CPZ: variants seen among roughly 807,000 people sequenced by gnomAD.
CPZ encodes the protein carboxypeptidase Z.
A neutral mutation model predicts 61.8 loss-of-function variants in CPZ; 103 were observed. The ratio of observed to expected loss-of-function variants is 1.67; its 90% CI spans 1.42 to 1.96. CPZ has a LOEUF of 1.96. Ranked by LOEUF, CPZ falls within the 30% of genes most tolerant of loss-of-function variation. The probability of loss-of-function intolerance (pLI) is 0.00; values close to 1 mark genes in which losing one functional copy is unlikely to be tolerated. For synonymous variants in CPZ, 551 were observed against 373.7 expected (o/e 1.47, Z -5.47); for missense variants, 1,461 against 914.9 (o/e 1.60, Z -7.70).
At chr4:8,610,278 A>C (rs1281357802) in intron 7 of CPZ, among the ~76,000 whole-genome samples, 1 of 152,094 alleles carries the variant, frequency 6.6e-6, no homozygotes, top group Non-Finnish European at 1.5e-5. Context: ...AGCTCCTCTG[A>C]TGTCCTTGTC....
At chr4:8,603,934 T>C in intron 3 of CPZ, 42 bp from the exon 4 acceptor site, 1 of 1,572,716 alleles carries the variant, frequency 6.4e-7, no homozygotes, top group African/African-American at 1.3e-5. Flanking sequence ...GTAGGAAGCC[T>C]GGGGGCCTGA....
intron 9 of CPZ, among the ~76,000 whole-genome samples, chr4:8,617,231 G>C (rs1232201520): frequency 6.6e-6 from 1 of 152,252 alleles, no homozygotes. Flanking sequence ...CGGTCCTGCA[G>C]AAGCCAGAGC....
In CPZ at chr4:8,615,807, A is replaced by C. The variant is rs139155085; in HGVS notation, c.1503+1309A>C. Reference sequence around the variant, plus strand: ...CCCCCTCCTTTCTAGAAAAATCAGGAACCTTCCTCCAAGTAAGAATCGAGC... The same window carrying C: ...CCCCCTCCTTTCTAGAAAAATCAGGCACCTTCCTCCAAGTAAGAATCGAGC... On this transcript the variant is annotated intron_variant, in intron 9 of 10. Transcript: ENST00000360986. 2.2e-3 allele frequency among the ~76,000 whole-genome samples: 334 copies of C among 152,278 alleles called. 4 individuals are homozygous for C. The highest frequency in any genetic ancestry group is 7.6e-3 in the African/African-American group (317 of 41,560).
At chr4:8,599,663 A>C in intron 2 of CPZ, 178 bp downstream of exon 2, 1 of 1,430,580 alleles carries the variant, frequency 7.0e-7, no homozygotes, top group South Asian at 1.5e-5. Context: ...CATAACAAAA[A>C]AAGACCAGCT....
Position 8,599,473 on chromosome 4 carries a change from G to A in CPZ, c.109G>A (p.Ala37Thr). Residue 37 changes from alanine to threonine, a missense_variant, in exon 2 of 11, where the codon GCT becomes ACT. Transcript: ENST00000360986. Reference sequence around the variant, plus strand: ...TCCAGGTGAATGCCACAGGCCACCAGCTGCAGACAGCGGTACAGTACCGGG... The same window carrying A: ...TCCAGGTGAATGCCACAGGCCACCAACTGCAGACAGCGGTACAGTACCGGG... ...NPAGECHRPP[A>T]ADSATCVDLQ... 1 of 1,612,734 alleles carries A rather than the reference G, an allele frequency of 6.2e-7. No individual in the cohort carries two copies. The highest frequency in any genetic ancestry group is 8.5e-7 in the Non-Finnish European group (1 of 1,179,090).
chr4:8,608,382 G>A (rs1226839166), intron 7 of CPZ, among the ~76,000 whole-genome samples: 1 of 152,160 alleles, frequency 6.6e-6, no homozygotes, highest in Non-Finnish European at 1.5e-5. Flanking sequence ...CAAGTGCCAG[G>A]TGCCGGGCCC....
intron 4 of CPZ, among the ~76,000 whole-genome samples, chr4:8,605,223 G>T (rs6852340): frequency 1.4e-4 from 22 of 152,256 alleles, no homozygotes; most frequent in African/African-American, 5.3e-4. Flanking sequence ...AGGGGAGCAA[G>T]TGCGAGGCTT....
intron 4 of CPZ, 94 bp from the exon 5 acceptor site, chr4:8,605,895 C>A (rs1467483054): frequency 1.2e-5 from 15 of 1,250,144 alleles, no homozygotes; most frequent in Non-Finnish European, 1.6e-5. Flanking sequence ...TTGGTCCCAG[C>A]CCATCTGGTC....
chr4:8,596,083 T>TCC (rs1577106305), intron 1 of CPZ, among the ~76,000 whole-genome samples: 1 of 149,424 alleles, frequency 6.7e-6, no homozygotes, highest in East Asian at 2.0e-4. Flanking sequence ...AGATAGAGTC[T>TCC]CTCTGTCACC....
At chr4:8,601,091 G>A (rs1714540612) in intron 2 of CPZ, 32 bp from the exon 3 acceptor site, 2 of 1,544,456 alleles carry the variant, frequency 1.3e-6, no homozygotes, top group Non-Finnish European at 1.8e-6. Flanking sequence ...GCCACTGCAG[G>A]AGGGACTGAC....
intron 5 of CPZ, 71 bp downstream of exon 5, chr4:8,606,256 A>G: frequency 7.0e-7 from 1 of 1,428,808 alleles, no homozygotes; most frequent in Non-Finnish European, 9.5e-7. Flanking sequence ...ATTTATGAGT[A>G]GTTTATCCCA....
chr4:8,614,294 C>A, intron 8 of CPZ, 65 bp from the exon 9 acceptor site: 1 of 1,519,562 alleles, frequency 6.6e-7, no homozygotes, highest in Non-Finnish European at 8.9e-7. Context: ...GGCTGACACC[C>A]CTGACGTCCC....
Position 8,618,522 on chromosome 4 carries a change from A to T in CPZ, c.1597A>T (p.Thr533Ser). 6.2e-7 allele frequency: 1 copy of T among 1,613,550 alleles called. No homozygotes were observed. Among genetic ancestry groups the T allele is most frequent in the South Asian group, 1.1e-5 (1 of 91,064 alleles). The change falls in exon 10 of 11, where the codon ACC becomes TCC. Residue 533 changes from threonine to serine, a missense_variant. By Grantham distance (58) the Thr-to-Ser change is moderately conservative (BLOSUM62 1). Transcript: ENST00000360986. ...ISVKGIRHDI[T>S]TAPDGDYWRL... Reference sequence around the variant, plus strand: ...AGTCAAAGGCATTCGCCACGACATCACCACAGGTGAGCACGTCCCTGGCTG... The same window carrying T: ...AGTCAAAGGCATTCGCCACGACATCTCCACAGGTGAGCACGTCCCTGGCTG...
intron 8 of CPZ, among the ~76,000 whole-genome samples, chr4:8,613,620 G>T (rs958479016): frequency 6.6e-6 from 1 of 152,224 alleles, no homozygotes; most frequent in African/African-American, 2.4e-5. Context: ...CCCCGACACA[G>T]CCAGCCCTGT....
intron 9 of CPZ, among the ~76,000 whole-genome samples, chr4:8,615,690 G>C (rs1487193088): frequency 6.6e-6 from 1 of 152,202 alleles, no homozygotes; most frequent in African/African-American, 2.4e-5. Context: ...ATGTCTGCGA[G>C]CCAGCCAGAG....
At chr4:8,599,959 T>A (rs1206742717) in intron 2 of CPZ, 1 of 174,410 alleles carries the variant, frequency 5.7e-6, no homozygotes, top group Non-Finnish European at 1.2e-5. Context: ...CAATGTGAAG[T>A]GCTCAGGTCA....
At position 8,595,443 on chromosome 4, in the gene CPZ, C is replaced by A. The variant is rs528068213; in HGVS notation, c.88+2522C>A. ...TGGCTTTGCTCTGTGGCTGCCAGGG[C>A]AGGTGCGGCCTGGGAGAGGCAGAGG... On this transcript the variant is annotated intron_variant, in intron 1 of 10. Coordinates refer to ENST00000360986, the MANE Select transcript of CPZ (RefSeq NM_001014447.3). 5.3e-5 allele frequency among the ~76,000 whole-genome samples: 8 copies of A among 152,360 alleles called. No homozygotes were observed. In the East Asian group the frequency reaches 1.5e-3, roughly 29 times the overall value.
intron 1 of CPZ, among the ~76,000 whole-genome samples, chr4:8,594,659 C>T (rs1445908492): frequency 6.6e-6 from 1 of 152,238 alleles, no homozygotes; most frequent in Non-Finnish European, 1.5e-5. Context: ...AAGCCGCTTT[C>T]AGACCAGTGC....
intron 8 of CPZ, among the ~76,000 whole-genome samples, chr4:8,612,781 G>A (rs1184166130): frequency 3.3e-5 from 5 of 152,170 alleles, no homozygotes; most frequent in South Asian, 2.1e-4. Context: ...TCTCCATGCC[G>A]GCACATCACA....
Sources: gnomAD v4.1 joint callset for allele counts (sites outside exome capture counted in the v4.1 genomes callset) on GRCh38, gnomAD v4.1.1 for gene constraint, MANE v1.5 for transcripts, NCBI Gene and HGNC (gene_info 2026-07-23, HGNC 2026-07-21) for gene names.